The following ZNF875 variants were observed in gnomAD, a reference collection of about 807,000 sequenced individuals.
The protein encoded by ZNF875 is HKR1, GLI-Kruppel zinc finger family member.
In ZNF875, 14 loss-of-function variants were observed where a neutral mutation model predicts 11.2. The observed-to-expected ratio is 1.26, with a 90% CI of 0.83 to 1.96. ZNF875 has a LOEUF of 1.96. Among genes scored for constraint, ZNF875 ranks in the 30% most tolerant of loss-of-function variants. ZNF875 has a pLI of 0.00. For missense variants in ZNF875, 752 were observed against 760.4 expected (o/e 0.99, Z 0.13); for synonymous variants, 301 against 281.1 (o/e 1.07, Z -0.71).
At chr19:37,323,959 C>T (rs900840901) in intron 3 of ZNF875, among the ~76,000 whole-genome samples, 9 of 152,136 alleles carry the variant, frequency 5.9e-5, no homozygotes, top group African/African-American at 2.2e-4. Flanking sequence ...GGAGTGGAAA[C>T]ATTCTGTCTG....
At chr19:37,360,393 T>G (rs975401622) in intron 4 of ZNF875, among the ~76,000 whole-genome samples, 2 of 152,264 alleles carry the variant, frequency 1.3e-5, no homozygotes, top group African/African-American at 4.8e-5. Context: ...GAAATTGTTT[T>G]GTCTATTTTA....
rs763031022 is a variant in ZNF875, at chr19:37,362,196, A to G, written c.344A>G (p.His115Arg). ...CTCAGCCAACATGTGTGGCTGAGTCATCTCTCTCAGCTGTTTTCAAGTTTA... is the reference window on the plus strand; with the variant it reads ...CTCAGCCAACATGTGTGGCTGAGTCGTCTCTCTCAGCTGTTTTCAAGTTTA... Reference protein sequence around the residue: ...QALSQHVWLSHLSQLFSSLWA... With the variant: ...QALSQHVWLSRLSQLFSSLWA... The change falls in exon 5 of 5, where the codon CAT becomes CGT. Residue 115 changes from histidine to arginine, a missense_variant. His to Arg is a conservative substitution (Grantham distance 29). Transcript: ENST00000392153. The G allele has an allele frequency of 5.6e-6, 9 of 1,613,986 alleles. No individual in the cohort carries two copies. Among genetic ancestry groups the G allele is most frequent in the Non-Finnish European group, 6.8e-6 (8 of 1,179,990 alleles).
At chr19:37,357,828 A>T in intron 4 of ZNF875, 3 of 395,356 alleles carry the variant, frequency 7.6e-6, no homozygotes, top group Non-Finnish European at 1.3e-5. Flanking sequence ...GAACAGAGAT[A>T]ATTTGACTCC....
At chr19:37,342,385 A>G (rs997408387) in intron 2 of ZNF875, among the ~76,000 whole-genome samples, 1 of 148,530 alleles carries the variant, frequency 6.7e-6, no homozygotes, top group Non-Finnish European at 1.5e-5. Context: ...ACATTATTAT[A>G]TGTCACTAGA....
At chr19:37,322,557 T>A (rs141079180) in intron 2 of ZNF875, among the ~76,000 whole-genome samples, 14 of 152,344 alleles carry the variant, frequency 9.2e-5, no homozygotes, top group East Asian at 1.9e-4. Context: ...TCTGGCTTTA[T>A]TTATTAGCTT....
intron 2 of ZNF875, among the ~76,000 whole-genome samples, chr19:37,339,781 T>A (rs1187407391): frequency 6.6e-6 from 1 of 151,672 alleles, no homozygotes. Flanking sequence ...GCCAGGCTGG[T>A]CTCAAACTCC....
intron 3 of ZNF875, 117 bp downstream of exon 3, chr19:37,347,433 A>C: frequency 1.0e-6 from 1 of 992,674 alleles, no homozygotes. Context: ...AAAACAATTT[A>C]CTTTTTTCCT....
chr19:37,345,484 C>G (rs2036592574), intron 2 of ZNF875, among the ~76,000 whole-genome samples: 1 of 152,054 alleles, frequency 6.6e-6, no homozygotes, highest in Admixed American at 6.6e-5. Context: ...GTCATACCCT[C>G]AAGGAGTGAT....
upstream of ZNF875, among the ~76,000 whole-genome samples, chr19:37,332,588 T>C (rs1197766155): frequency 6.6e-6 from 1 of 152,244 alleles, no homozygotes; most frequent in Non-Finnish European, 1.5e-5. Context: ...TTCTACAGGT[T>C]TAGATCTGAA....
intron 2 of ZNF875, chr19:37,346,449 G>A (rs903264915): frequency 1.3e-5 from 2 of 152,606 alleles, no homozygotes; most frequent in African/African-American, 4.8e-5. Flanking sequence ...GGCAGCATTT[G>A]GTAGAGGAAG....
chr19:37,342,566 C>T (rs1217771667), intron 2 of ZNF875, among the ~76,000 whole-genome samples: 1 of 152,062 alleles, frequency 6.6e-6, no homozygotes, highest in Admixed American at 6.6e-5. Flanking sequence ...GCATGCGCCA[C>T]CACACCTGGG....
Sources: gnomAD v4.1 joint callset for allele counts (sites outside exome capture counted in the v4.1 genomes callset) on GRCh38, gnomAD v4.1.1 for gene constraint, MANE v1.5 for transcripts, NCBI Gene and HGNC (gene_info 2026-07-23, HGNC 2026-07-21) for gene names.